EPS15L1: variants seen among roughly 807,000 people sequenced by gnomAD.
The protein encoded by EPS15L1 is epidermal growth factor receptor substrate 15-like 1.
EPS15L1 carries 43 observed loss-of-function variants against 117.1 expected under a neutral mutation model. The observed-to-expected ratio is 0.37, with a 90% CI of 0.29 to 0.47. The LOEUF is 0.47. EPS15L1 is among the 20% of genes least tolerant of loss of function. EPS15L1 has a pLI of 0.99. For missense variants in EPS15L1, 981 were observed against 1,164.0 expected (o/e 0.84, Z 2.29); for synonymous variants, 459 against 470.5 (o/e 0.98, Z 0.32).
chr19:16,397,520 C>G (rs983943913), intron 16 of EPS15L1, among the ~76,000 whole-genome samples: 4 of 151,910 alleles, frequency 2.6e-5, no homozygotes, highest in African/African-American at 9.7e-5. Context: ...GGCCTCATTT[C>G]AGAGGTGTGA....
In EPS15L1 at chr19:16,417,468, G is replaced by GCAAATACCA. The variant is rs770189310; in HGVS notation, c.1193+83_1193+84insTGGTATTTG. On this transcript the variant is annotated intron_variant, in intron 12 of 23. Coordinates refer to ENST00000455140, the MANE Select transcript of EPS15L1 (RefSeq NM_001258374.3). ...TAAACCTGTGATGAGCAAACTTCCA[G>GCAAATACCA]GTGAGCCTCTGATATTTCCGATAAC... 0.013 allele frequency: 15,899 copies of GCAAATACCA among 1,199,456 alleles called. 831 individuals carry two copies. In the Admixed American group the frequency reaches 0.14, roughly 11 times the overall value. The allele number at this position is 1,199,456 out of a possible 1,614,324, so 74.3% of individuals were successfully genotyped here.
In EPS15L1 at chr19:16,355,867, G is replaced by A. The variant is rs780179829; in HGVS notation, c.2587-16C>T. ...CATTGCCAAACTGCAAAGGAAAAACGGAGAGTGGGTGATGTGGCCCTGGGG... is the reference window on the plus strand; with the variant it reads ...CATTGCCAAACTGCAAAGGAAAAACAGAGAGTGGGTGATGTGGCCCTGGGG... On this transcript the variant is annotated splice_polypyrimidine_tract_variant and intron_variant, in intron 23 of 23. Coordinates refer to ENST00000455140, the MANE Select transcript of EPS15L1 (RefSeq NM_001258374.3). 7.2e-6 allele frequency: 11 copies of A among 1,534,840 alleles called. No individual in the cohort carries two copies. Among genetic ancestry groups the A allele is most frequent in the Non-Finnish European group, 9.6e-6 (11 of 1,145,886 alleles).
chr19:16,458,825 C>T (rs543648934), intron 1 of EPS15L1, among the ~76,000 whole-genome samples: 19 of 152,314 alleles, frequency 1.2e-4, no homozygotes, highest in South Asian at 6.2e-4. Flanking sequence ...CTGAACATAT[C>T]GGGCACCTTT....
intron 7 of EPS15L1, among the ~76,000 whole-genome samples, chr19:16,433,862 T>C (rs2092952918): frequency 6.6e-6 from 1 of 151,590 alleles, no homozygotes; most frequent in African/African-American, 2.4e-5. Flanking sequence ...ACTTGGGAGG[T>C]TGAGGCATGA....
intron 9 of EPS15L1, among the ~76,000 whole-genome samples, chr19:16,423,299 C>T (rs188126585): frequency 5.2e-4 from 79 of 152,302 alleles, no homozygotes; most frequent in African/African-American, 1.8e-3. Context: ...AGGCACAGTG[C>T]TCATGCCTGT....
At chr19:16,434,225 G>A (rs2145032133) in intron 7 of EPS15L1, 140 bp downstream of exon 7, 2 of 1,155,976 alleles carry the variant, frequency 1.7e-6, no homozygotes, top group Admixed American at 2.4e-5. Context: ...TGGACCCACA[G>A]GAGCGCTGAT....
chr19:16,415,736 G>A (rs2092752398), intron 12 of EPS15L1, among the ~76,000 whole-genome samples: 1 of 152,176 alleles, frequency 6.6e-6, no homozygotes, highest in Admixed American at 6.5e-5. Flanking sequence ...CCTCCACATT[G>A]GGGAAACAAG....
chr19:16,449,705 G>C lies in EPS15L1; in HGVS notation c.34-7486C>G, dbSNP rs533047801. On this transcript the variant is annotated intron_variant, in intron 1 of 23. Transcript: ENST00000455140. ...ATACCACATCCTGTATGCAGTGTTG[G>C]CCACAGCTTTATATGTCACTGCTCC... is the stretch of plus-strand genomic sequence containing the variant. Among the ~76,000 whole-genome samples, 3 of 152,274 alleles carry C rather than the reference G, an allele frequency of 2.0e-5. No individual in the cohort carries two copies. The South Asian group carries it at 6.2e-4, about 32-fold the overall frequency.
intron 19 of EPS15L1, among the ~76,000 whole-genome samples, chr19:16,387,261 C>T (rs2092429559): frequency 6.6e-6 from 1 of 152,162 alleles, no homozygotes; most frequent in Non-Finnish European, 1.5e-5. Flanking sequence ...ATCAGGAGTT[C>T]AAGACCAGCC....
chr19:16,443,933 G>A (rs1340197427), intron 1 of EPS15L1, among the ~76,000 whole-genome samples: 1 of 149,480 alleles, frequency 6.7e-6, no homozygotes, highest in East Asian at 2.0e-4. Context: ...GTGTGGTGGT[G>A]TGCGCCTGTA....
At chr19:16,431,809 A>G (rs1286125466) in intron 7 of EPS15L1, among the ~76,000 whole-genome samples, 1 of 152,226 alleles carries the variant, frequency 6.6e-6, no homozygotes, top group Non-Finnish European at 1.5e-5. Context: ...CGTGGACCCC[A>G]CACTACAACT....
At chr19:16,377,347 T>C in intron 21 of EPS15L1, 93 bp from the exon 22 acceptor site, 1 of 1,420,382 alleles carries the variant, frequency 7.0e-7, no homozygotes, top group African/African-American at 1.4e-5. Context: ...CCAAGGGCCC[T>C]GGCAAGGCCT....
At chr19:16,400,567 T>C (rs1224146954) in intron 16 of EPS15L1, 2 of 860,796 alleles carry the variant, frequency 2.3e-6, no homozygotes, top group African/African-American at 3.7e-5. Context: ...AGTCTTGAAG[T>C]GTTCAGGAGT....
intron 1 of EPS15L1, among the ~76,000 whole-genome samples, chr19:16,467,419 G>C (rs1408894611): frequency 6.6e-6 from 1 of 152,004 alleles, no homozygotes; most frequent in African/African-American, 2.4e-5. Context: ...CAAAGTGCTA[G>C]GATTACAGGC....
chr19:16,380,691 C>A (rs574260211), intron 21 of EPS15L1, among the ~76,000 whole-genome samples: 2 of 152,236 alleles, frequency 1.3e-5, no homozygotes, highest in African/African-American at 2.4e-5. Context: ...CACACCGATG[C>A]GGTCGTCTGA....
intron 1 of EPS15L1, 100 bp from the exon 2 acceptor site, chr19:16,442,319 A>T: frequency 1.2e-6 from 1 of 833,114 alleles, no homozygotes. Context: ...ATATATGATG[A>T]TAGTTAGAGT....
intron 1 of EPS15L1, among the ~76,000 whole-genome samples, chr19:16,465,009 GC>G (rs1321731746): frequency 6.6e-6 from 1 of 151,852 alleles, no homozygotes; most frequent in African/African-American, 2.4e-5. Flanking sequence ...AACCCAGGAG[GC>G]GGAGCTTGCA....
intron 21 of EPS15L1, among the ~76,000 whole-genome samples, chr19:16,378,908 C>T (rs1403770491): frequency 2.0e-5 from 3 of 152,178 alleles, no homozygotes; most frequent in Non-Finnish European, 4.4e-5. Flanking sequence ...ACAGAGGAAA[C>T]ACATTGTTAC....
At chr19:16,450,121 C>A (rs1306741597) in intron 1 of EPS15L1, among the ~76,000 whole-genome samples, 2 of 152,038 alleles carry the variant, frequency 1.3e-5, no homozygotes, top group Admixed American at 6.6e-5. Flanking sequence ...GTGGCACATG[C>A]CTGTGGTCCC....
Sources: allele counts gnomAD v4.1 joint callset (sites outside exome capture counted in the v4.1 genomes callset), GRCh38; gene constraint gnomAD v4.1.1; transcripts MANE v1.5; gene names NCBI Gene and HGNC (gene_info 2026-07-23, HGNC 2026-07-21).